Variants in SREK1IP1 observed in about 807,000 individuals in gnomAD.
The protein encoded by SREK1IP1 is protein SREK1IP1.
In SREK1IP1, 12 loss-of-function variants were observed where a neutral mutation model predicts 22.8. That is an observed-to-expected ratio of 0.53 (90% confidence interval 0.34 to 0.85). The LOEUF (loss-of-function observed/expected upper bound fraction) is 0.85, where lower values mean the gene tolerates loss of function less well. SREK1IP1 is among the 40% of genes least tolerant of loss of function. The pLI is 0.02. For synonymous variants in SREK1IP1, 53 were observed against 52.7 expected, an observed-to-expected ratio of 1.01 and a Z score of -0.02; for missense variants, 147 against 171.8, an observed-to-expected ratio of 0.86 and a Z score of 0.81.
At chr5:64,757,998 G>A (rs1561391889) in intron 1 of SREK1IP1, among the ~76,000 whole-genome samples, 1 of 146,702 alleles carries the variant, frequency 6.8e-6, no homozygotes, top group Non-Finnish European at 1.5e-5. Flanking sequence ...GCCTCCTCCT[G>A]AGTAGCTGGG....
At chr5:64,726,305 T>TTG in intron 4 of SREK1IP1, among the ~76,000 whole-genome samples, 1 of 150,828 alleles carries the variant, frequency 6.6e-6, no homozygotes, top group East Asian at 1.9e-4. Context: ...GAGGCCCAAA[T>TTG]AAATAATCTG....
At chr5:64,757,861 CTTTTTTTTT>C (rs59456636) in intron 1 of SREK1IP1, among the ~76,000 whole-genome samples, 2,051 of 72,926 alleles carry the variant, frequency 0.028, 37 homozygotes, top group South Asian at 0.052. Context: ...AGGTTCCTAT[CTTTTTTTTT>C]TTTTTTTTTT....
chr5:64,718,214 T>C lies in SREK1IP1; in HGVS notation c.*6170A>G. 2.2e-6 allele frequency: 1 copy of C among 458,474 alleles called. No individual in the cohort carries two copies. Among genetic ancestry groups the C allele is most frequent in the Non-Finnish European group, 3.7e-6 (1 of 267,228 alleles). The allele number at this position is 458,474 out of a possible 1,614,324, so 28.4% of individuals were successfully genotyped here. On this transcript the variant is annotated 3_prime_UTR_variant, in exon 5 of 5. Coordinates refer to ENST00000513458, the MANE Select transcript of SREK1IP1 (RefSeq NM_173829.4). ...TTTATTGGTTTTCCTTTGTATAAAT[T>C]TATTTGCTAATTAAGATGTTTCTGT...
In SREK1IP1 at chr5:64,721,163, C is replaced by G. The variant is rs1742155640; in HGVS notation, c.*3221G>C. 6.6e-6 allele frequency: 1 copy of G among 152,190 alleles called. No individual in the cohort carries two copies. Among genetic ancestry groups the G allele is most frequent in the Non-Finnish European group, 1.5e-5 (1 of 68,036 alleles). The allele number at this position is 152,190 out of a possible 1,614,324, so 9.4% of individuals were successfully genotyped here. On this transcript the variant is annotated 3_prime_UTR_variant, in exon 5 of 5. Transcript: ENST00000513458. ...TTAGGTAACCCCGAGTTTCTATAAA[C>G]TCATGTTCATGTCAATTACTGCACT... is the stretch of plus-strand genomic sequence containing the variant.
chr5:64,758,274 T>C (rs1742884046), intron 1 of SREK1IP1, among the ~76,000 whole-genome samples: 1 of 152,130 alleles, frequency 6.6e-6, no homozygotes, highest in South Asian at 2.1e-4. Context: ...GTTTAAGTGA[T>C]TCTCCTGCCT....
intron 3 of SREK1IP1, among the ~76,000 whole-genome samples, chr5:64,737,246 C>A (rs1216172773): frequency 1.7e-4 from 26 of 151,654 alleles, no homozygotes. Context: ...TCTTTTCTGA[C>A]CACAATGGTA....
intron 2 of SREK1IP1, 109 bp from the exon 3 acceptor site, chr5:64,741,309 A>G (rs1429430963): frequency 1.9e-6 from 2 of 1,045,022 alleles, no homozygotes; most frequent in Middle Eastern, 2.1e-4. Context: ...TTTCAATAAT[A>G]TAATGTAGAA....
chr5:64,759,744 A>G (rs1397102210), intron 1 of SREK1IP1, among the ~76,000 whole-genome samples: 1 of 152,222 alleles, frequency 6.6e-6, no homozygotes, highest in Non-Finnish European at 1.5e-5. Context: ...AAACATGTGG[A>G]GATATGCTCA....
chr5:64,759,428 T>C lies in SREK1IP1; in HGVS notation c.14-5066A>G, dbSNP rs1024310655. Among the ~76,000 whole-genome samples the C allele has an allele frequency of 2.6e-5, 4 of 152,304 alleles. No individual in the cohort carries two copies. In the East Asian group the frequency reaches 7.7e-4, roughly 29 times the overall value. On this transcript the variant is annotated intron_variant, in intron 1 of 4. Coordinates refer to ENST00000513458, the MANE Select transcript of SREK1IP1 (RefSeq NM_173829.4). ...ATTCCTTTTTGAAGTTTGCTAAGGC[T>C]GTTCAGAGTAATACAGTGTGCCCAC...
chr5:64,749,059 C>CATCATAATA (rs1554065277), intron 2 of SREK1IP1, among the ~76,000 whole-genome samples: 11 of 131,636 alleles, frequency 8.4e-5, no homozygotes, highest in African/African-American at 3.0e-4. Flanking sequence ...AGCTATGCCA[C>CATCATAATA]ATAATAATAA....
At chr5:64,734,484 T>A (rs111982946) in intron 3 of SREK1IP1, among the ~76,000 whole-genome samples, 1 of 151,528 alleles carries the variant, frequency 6.6e-6, no homozygotes, top group Non-Finnish European at 1.5e-5. Context: ...GAATTTTGAT[T>A]GTGATTCCTT....
At chr5:64,747,050 A>G (rs1023886168) in intron 2 of SREK1IP1, among the ~76,000 whole-genome samples, 3 of 152,180 alleles carry the variant, frequency 2.0e-5, no homozygotes, top group Non-Finnish European at 2.9e-5. Flanking sequence ...AAGAAGGGGC[A>G]TAGGGAAAAG....
At chr5:64,728,249 A>G in intron 3 of SREK1IP1, 70 bp from the exon 4 acceptor site, 2 of 1,195,342 alleles carry the variant, frequency 1.7e-6, no homozygotes, top group African/African-American at 1.6e-5. Flanking sequence ...TGGCATGTAT[A>G]TATGTTAAAA....
At chr5:64,728,208 T>C in intron 3 of SREK1IP1, 29 bp from the exon 4 acceptor site, 1 of 1,363,902 alleles carries the variant, frequency 7.3e-7, no homozygotes, top group Non-Finnish European at 9.5e-7. Flanking sequence ...AAGAAAAAAA[T>C]CTGGTTAATA....
intron 2 of SREK1IP1, among the ~76,000 whole-genome samples, chr5:64,753,200 C>T (rs1376733431): frequency 2.6e-5 from 4 of 152,104 alleles, no homozygotes; most frequent in Admixed American, 6.5e-5. Context: ...AGTAGACAGA[C>T]TGGGAAATCC....
At chr5:64,756,650 G>T (rs961558423) in intron 1 of SREK1IP1, among the ~76,000 whole-genome samples, 1 of 151,036 alleles carries the variant, frequency 6.6e-6, no homozygotes, top group Admixed American at 6.6e-5. Flanking sequence ...TTTTAAGAGA[G>T]AGTCTCACTC....
intron 2 of SREK1IP1, among the ~76,000 whole-genome samples, chr5:64,749,059 C>CATAATAATAATAATA (rs58434271): frequency 7.6e-6 from 1 of 131,644 alleles, no homozygotes; most frequent in Non-Finnish European, 1.7e-5. Flanking sequence ...AGCTATGCCA[C>CATAATAATAATAATA]ATAATAATAA....
At chr5:64,725,433 G>A (rs1308974971) in intron 4 of SREK1IP1, among the ~76,000 whole-genome samples, 1 of 152,168 alleles carries the variant, frequency 6.6e-6, no homozygotes, top group Admixed American at 6.5e-5. Flanking sequence ...TAAAGAGTTA[G>A]TTTAGTGATC....
chr5:64,740,574 A>G (rs1359243291), intron 3 of SREK1IP1, among the ~76,000 whole-genome samples: 1 of 152,170 alleles, frequency 6.6e-6, no homozygotes, highest in Non-Finnish European at 1.5e-5. Flanking sequence ...TGCTTTGCCT[A>G]TGCCTCACGA....
Sources: gnomAD v4.1 joint callset for allele counts (sites outside exome capture counted in the v4.1 genomes callset) on GRCh38, gnomAD v4.1.1 for gene constraint, MANE v1.5 for transcripts, NCBI Gene and HGNC (gene_info 2026-07-23, HGNC 2026-07-21) for gene names.